Variants in UBAP2 observed in about 807,000 individuals in gnomAD.
The protein encoded by UBAP2 is ubiquitin-associated protein 2.
UBAP2 carries 75 observed loss-of-function variants against 139.6 expected under a neutral mutation model. The ratio of observed to expected loss-of-function variants is 0.54; its 90% confidence interval spans 0.45 to 0.65. The LOEUF (loss-of-function observed/expected upper bound fraction) is 0.65, where lower values mean the gene tolerates loss of function less well. Among genes scored for constraint, UBAP2 ranks in the 30% least tolerant of loss-of-function variants. The pLI is 0.00. For synonymous variants in UBAP2, 526 were observed against 526.2 expected, an observed-to-expected ratio of 1.00 and a Z score of 0.01; for missense variants, 1,368 against 1,369.6, an observed-to-expected ratio of 1.00 and a Z score of 0.02.
In UBAP2 at chr9:33,922,810, G is replaced by A. The variant is rs375245273; in HGVS notation, c.3141C>T (p.Ser1047=). ...CCGCTCCCGAGGCCAGGGGCCCAGT[G>A]GAGCCCAAGACCGAGGGCAGGCTGA... is the stretch of plus-strand genomic sequence containing the variant. ...PPFSLPSVLG[S]TGPLASGAAP... The change falls in exon 28 of 29, where the codon TCC becomes TCT. Residue 1047 remains serine (S), a synonymous_variant. Coordinates refer to ENST00000379238, the MANE Select transcript of UBAP2 (RefSeq NM_001370062.2). 6.4e-7 allele frequency: 1 copy of A among 1,568,928 alleles called. No individual in the cohort carries two copies. The highest frequency in any genetic ancestry group is 1.4e-5 in the African/African-American group (1 of 73,760).
At chr9:33,948,134 G>C (rs1455125234) in intron 13 of UBAP2, among the ~76,000 whole-genome samples, 3 of 152,048 alleles carry the variant, frequency 2.0e-5, no homozygotes, top group African/African-American at 7.3e-5. Context: ...ACTTTTCAAG[G>C]CATGTACTAC....
At chr9:33,932,469 C>G in intron 19 of UBAP2, 93 bp downstream of exon 19, 1 of 1,426,938 alleles carries the variant, frequency 7.0e-7, no homozygotes, top group Non-Finnish European at 9.7e-7. Context: ...GATTATCAGA[C>G]ACTAAAAATC....
At chr9:33,962,786 G>A (rs921568775) in intron 9 of UBAP2, among the ~76,000 whole-genome samples, 2 of 151,610 alleles carry the variant, frequency 1.3e-5, no homozygotes, top group African/African-American at 4.8e-5. Context: ...AGATCAGCCT[G>A]GCCAACATGG....
intron 1 of UBAP2, among the ~76,000 whole-genome samples, chr9:34,036,857 T>C (rs1395357826): frequency 2.7e-5 from 4 of 148,678 alleles, no homozygotes; most frequent in Admixed American, 2.0e-4. Flanking sequence ...CTGCCCAGGC[T>C]GGAGCACAGT....
intron 19 of UBAP2, among the ~76,000 whole-genome samples, chr9:33,931,460 G>T (rs1185322082): frequency 6.6e-6 from 1 of 152,098 alleles, no homozygotes; most frequent in Admixed American, 6.5e-5. Context: ...CAGGAGCACT[G>T]GGCTCCCAGG....
In UBAP2 at chr9:33,927,034, G is replaced by C. The variant is rs759335174; in HGVS notation, c.2418C>G (p.His806Gln). 1.9e-6 allele frequency: 3 copies of C among 1,614,112 alleles called. No homozygotes were observed. In the East Asian group the frequency reaches 6.7e-5, roughly 36 times the overall value. ...CTCCGGGACCTACGAGGTACTGGTTGTGCAGCAGGGGAGGCACCCCCTGAG... is the reference window on the plus strand; with the variant it reads ...CTCCGGGACCTACGAGGTACTGGTTCTGCAGCAGGGGAGGCACCCCCTGAG... ...NLPQGVPPLL[H>Q]NQYLVGPGGL... is the part of the protein sequence containing the mutation. The change falls in exon 21 of 29, where the codon CAC (histidine) becomes CAG (glutamine). Residue 806 changes from histidine (H) to glutamine (Q), a missense_variant. Physicochemically the swap from His to Gln is conservative, Grantham distance 24. Transcript: ENST00000379238.
chr9:34,001,295 A>G (rs1473306957), intron 2 of UBAP2, among the ~76,000 whole-genome samples: 1 of 152,236 alleles, frequency 6.6e-6, no homozygotes, highest in East Asian at 1.9e-4. Flanking sequence ...ACATACACAT[A>G]CTAGGGTAGC....
chr9:33,992,771 C>A (rs540441030), intron 4 of UBAP2, among the ~76,000 whole-genome samples: 1 of 152,172 alleles, frequency 6.6e-6, no homozygotes, highest in African/African-American at 2.4e-5. Context: ...AGTATACACA[C>A]ATGCATACTT....
At chr9:33,951,444 T>A (rs751816570) in intron 12 of UBAP2, among the ~76,000 whole-genome samples, 2 of 145,394 alleles carry the variant, frequency 1.4e-5, no homozygotes, top group Non-Finnish European at 3.0e-5. Context: ...CCTCCCGGGT[T>A]CAAGTGATTC....
chr9:33,996,673 C>A, intron 3 of UBAP2: 1 of 216,200 alleles, frequency 4.6e-6, no homozygotes, highest in Non-Finnish European at 9.1e-6. Flanking sequence ...ACACAGGATT[C>A]CTAAACTTAA....
chr9:33,983,248 C>A (rs1352835248), intron 6 of UBAP2, among the ~76,000 whole-genome samples: 1 of 152,092 alleles, frequency 6.6e-6, no homozygotes, highest in Non-Finnish European at 1.5e-5. Flanking sequence ...AATCCTTAAA[C>A]ATGTCTCTAA....
chr9:33,961,304 C>T (rs999338105), intron 9 of UBAP2, among the ~76,000 whole-genome samples: 38 of 152,214 alleles, frequency 2.5e-4, no homozygotes, highest in African/African-American at 8.7e-4. Flanking sequence ...TGTCTTGGAC[C>T]CTATTTCAGG....
chr9:33,999,744 T>C (rs1822522269), intron 2 of UBAP2, among the ~76,000 whole-genome samples: 1 of 152,050 alleles, frequency 6.6e-6, no homozygotes, highest in South Asian at 2.1e-4. Context: ...TGGAGCCTCA[T>C]GCTGTTACCC....
intron 19 of UBAP2, among the ~76,000 whole-genome samples, chr9:33,930,393 C>T (rs1427099098): frequency 1.3e-5 from 2 of 151,994 alleles, no homozygotes; most frequent in Admixed American, 6.6e-5. Flanking sequence ...AGACTGAAAA[C>T]GACCCTAAAT....
chr9:33,929,874 T>C (rs1002070001), intron 19 of UBAP2, among the ~76,000 whole-genome samples: 3 of 152,006 alleles, frequency 2.0e-5, no homozygotes, highest in African/African-American at 7.2e-5. Flanking sequence ...CCTGGTGGCG[T>C]GTGCCTGTAA....
chr9:33,944,183 C>T (rs1473518913), intron 14 of UBAP2, among the ~76,000 whole-genome samples, 182 bp downstream of exon 14: 1 of 152,196 alleles, frequency 6.6e-6, no homozygotes, highest in Non-Finnish European at 1.5e-5. Flanking sequence ...GCTCTCAGCA[C>T]AAACCCATTC....
chr9:34,042,547 G>A (rs947028050), intron 1 of UBAP2, among the ~76,000 whole-genome samples: 3 of 151,674 alleles, frequency 2.0e-5, no homozygotes, highest in African/African-American at 7.3e-5. Flanking sequence ...CAGGACTCTG[G>A]GAGGCCAAGC....
At chr9:34,012,766 T>C (rs1162800856) in intron 2 of UBAP2, among the ~76,000 whole-genome samples, 2 of 151,566 alleles carry the variant, frequency 1.3e-5, no homozygotes, top group Non-Finnish European at 2.9e-5. Context: ...TGTTAAAATC[T>C]GGGGAATCTG....
rs1564031832 is a variant in UBAP2, at chr9:33,960,926, C to T, written c.746-48G>A. On this transcript the variant is annotated intron_variant, in intron 9 of 28. Transcript: ENST00000379238. ...AAAGTTTATACCACAAAGTCAAATA[C>T]AGTCTCAGTCCAAATGATTCCTTTT... is the stretch of plus-strand genomic sequence containing the variant. 4 of 1,567,854 alleles carry T rather than the reference C, an allele frequency of 2.6e-6. 1 individual carries two copies. In the South Asian group the frequency reaches 3.3e-5, roughly 13 times the overall value.
Sources: gnomAD v4.1 joint callset for allele counts (sites outside exome capture counted in the v4.1 genomes callset) on GRCh38, gnomAD v4.1.1 for gene constraint, MANE v1.5 for transcripts, NCBI Gene and HGNC (gene_info 2026-07-23, HGNC 2026-07-21) for gene names.